Variants in PDE4D observed in about 807,000 individuals in gnomAD.
The protein encoded by PDE4D is 3',5'-cyclic-AMP phosphodiesterase 4D.
PDE4D carries 24 observed loss-of-function variants against 87.4 expected under a neutral mutation model. That is an observed-to-expected ratio of 0.27 (90% CI 0.20 to 0.39). PDE4D has a LOEUF of 0.39. Among genes scored for constraint, PDE4D ranks in the 10% least tolerant of loss-of-function variants. The probability of loss-of-function intolerance (pLI) is 1.00; values close to 1 mark genes in which losing one functional copy is unlikely to be tolerated. For missense variants in PDE4D, 714 were observed against 1,041.0 expected, an observed-to-expected ratio of 0.69 and a Z score of 4.32; for synonymous variants, 384 against 383.2, an observed-to-expected ratio of 1.00 and a Z score of -0.02.
At chr5:59,060,039 C>T (rs1762904590) in intron 5 of PDE4D, among the ~76,000 whole-genome samples, 1 of 152,060 alleles carries the variant, frequency 6.6e-6, no homozygotes, top group Non-Finnish European at 1.5e-5. Flanking sequence ...GTAGTAGAAG[C>T]GTTATGTAGA....
chr5:60,315,745 TC>T (rs1755517334), intron 1 of PDE4D, among the ~76,000 whole-genome samples: 1 of 152,194 alleles, frequency 6.6e-6, no homozygotes, highest in South Asian at 2.1e-4. Context: ...AAATAGGGAA[TC>T]CTTTCCCCAT....
At chr5:59,886,578 G>A (rs1187464917) in intron 1 of PDE4D, among the ~76,000 whole-genome samples, 1 of 151,762 alleles carries the variant, frequency 6.6e-6, no homozygotes, top group Admixed American at 6.6e-5. Flanking sequence ...AGGAATATCC[G>A]CAAGAGGGTA....
At chr5:60,492,367 G>T (rs559390332), upstream of PDE4D, among the ~76,000 whole-genome samples, 1 of 152,306 alleles carries the variant, frequency 6.6e-6, no homozygotes, top group South Asian at 2.1e-4. Context: ...AAGTCCAGGA[G>T]TTGGAGGCTG....
intron 2 of PDE4D, among the ~76,000 whole-genome samples, chr5:60,051,998 T>C (rs928822401): frequency 2.6e-5 from 4 of 152,056 alleles, no homozygotes; most frequent in African/African-American, 7.2e-5. Context: ...CAGGAAGAAA[T>C]TGAATCCCTA....
chr5:59,808,602 TTG>T (rs1272568992), intron 1 of PDE4D, among the ~76,000 whole-genome samples: 1 of 142,536 alleles, frequency 7.0e-6, no homozygotes, highest in African/African-American at 2.6e-5. Context: ...GTGTGTGTGT[TTG>T]TGTGTGTGTT....
chr5:59,893,602 G>T lies in PDE4D; in HGVS notation c.21C>A (p.Ser7Arg). The T allele has an allele frequency of 6.6e-7, 1 of 1,516,024 alleles. No individual in the cohort carries two copies. The highest frequency in any genetic ancestry group is 8.8e-7 in the Non-Finnish European group (1 of 1,133,590). The allele number at this position is 1,516,024 out of a possible 1,614,324, so 93.9% of individuals were successfully genotyped here. The part of the protein sequence containing the change: MEAEGS[S>R]APARAGSGEG... The stretch of plus-strand genomic sequence containing the variant: ...CTCCGCTGCCCGCCCGGGCCGGCGC[G>T]CTGCTGCCCTCTGCCTCCATCCTGG... Residue 7 changes from serine (S) to arginine (R), a missense_variant, in exon 1 of 15, where the codon AGC becomes AGA. Transcript: ENST00000340635.
intron 1 of PDE4D, among the ~76,000 whole-genome samples, chr5:60,442,022 G>A (rs553865321): frequency 6.6e-6 from 1 of 152,254 alleles, no homozygotes; most frequent in Non-Finnish European, 1.5e-5. Flanking sequence ...CATTGTGGAA[G>A]ACAGTGTGGT....
chr5:59,610,290 T>G (rs1828815750), intron 1 of PDE4D, among the ~76,000 whole-genome samples: 1 of 152,188 alleles, frequency 6.6e-6, no homozygotes, highest in African/African-American at 2.4e-5. Context: ...ATAGAGCTAT[T>G]GAGACTGGAG....
chr5:59,634,166 A>G (rs1831949948), intron 1 of PDE4D, among the ~76,000 whole-genome samples: 2 of 152,236 alleles, frequency 1.3e-5, no homozygotes, highest in African/African-American at 4.8e-5. Flanking sequence ...TAAAGGGTTC[A>G]ATGCAACAAG....
chr5:60,268,817 C>A (rs1371355205), intron 1 of PDE4D, among the ~76,000 whole-genome samples: 1 of 152,042 alleles, frequency 6.6e-6, no homozygotes, highest in Non-Finnish European at 1.5e-5. Context: ...GGCCCATGAT[C>A]CAAAAATATA....
rs533942960 is a variant in PDE4D, at chr5:59,050,436, C to T, written c.809-11465G>A. Among the ~76,000 whole-genome samples the T allele has an allele frequency of 3.1e-4, 47 of 152,282 alleles. No homozygotes were observed. In the South Asian group the frequency reaches 9.8e-3, roughly 32 times the overall value. On this transcript the variant is annotated intron_variant, in intron 5 of 14. Transcript: ENST00000340635. The stretch of plus-strand genomic sequence containing the variant: ...CATATGAGTGATAAACTATTTTGGC[C>T]TACTGGTAAACCTACATTTGTTAAC...
intron 1 of PDE4D, among the ~76,000 whole-genome samples, chr5:59,723,709 A>G (rs541979777): frequency 6.6e-6 from 1 of 152,292 alleles, no homozygotes; most frequent in South Asian, 2.1e-4. Flanking sequence ...CACATTAAAA[A>G]ATATTTAAAC....
intron 1 of PDE4D, among the ~76,000 whole-genome samples, chr5:59,477,353 TAAAAAAAAA>T (rs35047246): frequency 7.9e-5 from 7 of 88,312 alleles, no homozygotes; most frequent in African/African-American, 3.1e-4. Flanking sequence ...TAGAGTATAA[TAAAAAAAAA>T]AAAAAAAAAA....
intron 1 of PDE4D, among the ~76,000 whole-genome samples, chr5:59,618,400 G>T (rs186902903): frequency 2.0e-5 from 3 of 152,066 alleles, no homozygotes; most frequent in South Asian, 2.1e-4. Context: ...AATCATGAAC[G>T]CCAGAGAATT....
intron 1 of PDE4D, among the ~76,000 whole-genome samples, chr5:59,761,146 T>C (rs1761916510): frequency 6.6e-6 from 1 of 152,196 alleles, no homozygotes; most frequent in Non-Finnish European, 1.5e-5. Context: ...AGTATTTGTA[T>C]ATCTAAACAT....
chr5:60,163,388 G>A (rs1782624167), intron 2 of PDE4D, among the ~76,000 whole-genome samples: 1 of 152,056 alleles, frequency 6.6e-6, no homozygotes, highest in African/African-American at 2.4e-5. Flanking sequence ...CTAAACACAA[G>A]TTTAGCTCAC....
intron 2 of PDE4D, among the ~76,000 whole-genome samples, chr5:60,053,759 A>T (rs1770470951): frequency 6.6e-6 from 1 of 152,226 alleles, no homozygotes; most frequent in South Asian, 2.1e-4. Context: ...AAACTACAGA[A>T]TAGGGAACAT....
chr5:59,712,720 C>T (rs1754392891), intron 1 of PDE4D, among the ~76,000 whole-genome samples: 1 of 151,790 alleles, frequency 6.6e-6, no homozygotes. Context: ...ACACCAAACA[C>T]AAAATTAATT....
chr5:59,977,444 T>C (rs937051401), intron 3 of PDE4D, among the ~76,000 whole-genome samples: 22 of 152,198 alleles, frequency 1.4e-4, no homozygotes, highest in Admixed American at 3.9e-4. Flanking sequence ...AGACGAAAAG[T>C]TGGATGCCAG....
Sources: allele counts gnomAD v4.1 joint callset (sites outside exome capture counted in the v4.1 genomes callset), GRCh38; gene constraint gnomAD v4.1.1; transcripts MANE v1.5; gene names NCBI Gene and HGNC (gene_info 2026-07-23, HGNC 2026-07-21).